RBFOX1: variants seen among roughly 807,000 people sequenced by gnomAD.
RBFOX1 encodes the protein RNA binding fox-1 homolog 1, also known as RNA binding protein fox-1 homolog 1.
In RBFOX1, 8 loss-of-function variants were observed where a neutral mutation model predicts 57.7. That is an observed-to-expected ratio of 0.14 (90% confidence interval 0.08 to 0.25). The LOEUF (loss-of-function observed/expected upper bound fraction) is 0.25, where lower values mean the gene tolerates loss of function less well. RBFOX1 is among the 10% of genes least tolerant of loss of function. The pLI, the probability that RBFOX1 is intolerant of heterozygous loss-of-function variation, is 1.00. For synonymous variants in RBFOX1, 326 were observed against 222.4 expected, an observed-to-expected ratio of 1.47 and a Z score of -4.15; for missense variants, 611 against 548.5, an observed-to-expected ratio of 1.11 and a Z score of -1.14.
At chr16:6,644,950 A>C (rs76264320) in intron 2 of RBFOX1, among the ~76,000 whole-genome samples, 1 of 152,192 alleles carries the variant, frequency 6.6e-6, no homozygotes, top group Non-Finnish European at 1.5e-5. Flanking sequence ...GTAGCAAATC[A>C]TCACAATCTA....
chr16:5,288,321 T>C (rs1454817175), intron 1 of RBFOX1, among the ~76,000 whole-genome samples: 1 of 152,222 alleles, frequency 6.6e-6, no homozygotes, highest in African/African-American at 2.4e-5. Context: ...TCAATTCCTT[T>C]GCCCTGTGAG....
intron 3 of RBFOX1, among the ~76,000 whole-genome samples, chr16:6,683,829 A>G (rs1449140383): frequency 1.3e-5 from 2 of 152,168 alleles, no homozygotes; most frequent in African/African-American, 4.8e-5. Flanking sequence ...TTGACTCTTC[A>G]TGGGTTTTGT....
chr16:7,191,420 A>G (rs1381085345), intron 4 of RBFOX1, among the ~76,000 whole-genome samples: 1 of 152,098 alleles, frequency 6.6e-6, no homozygotes, highest in Non-Finnish European at 1.5e-5. Context: ...CTCATGTTGT[A>G]CAATTGTCCT....
chr16:5,628,272 A>T (rs1028698835), intron 3 of RBFOX1, among the ~76,000 whole-genome samples: 4 of 152,200 alleles, frequency 2.6e-5, no homozygotes, highest in African/African-American at 9.7e-5. Context: ...CTCTTCTACC[A>T]TGCAAATGGT....
intron 1 of RBFOX1, among the ~76,000 whole-genome samples, chr16:6,217,882 G>A (rs1201894362): frequency 2.0e-5 from 3 of 152,170 alleles, no homozygotes; most frequent in African/African-American, 4.8e-5. Flanking sequence ...TGGTATGGTG[G>A]CGCATGATTG....
At chr16:6,633,241 C>A (rs755644513) in intron 2 of RBFOX1, among the ~76,000 whole-genome samples, 2 of 152,024 alleles carry the variant, frequency 1.3e-5, no homozygotes, top group Admixed American at 6.6e-5. Context: ...ACAGTCCTCT[C>A]CAATAGGTGC....
chr16:6,771,888 A>G (rs904822779), intron 3 of RBFOX1, among the ~76,000 whole-genome samples: 1 of 152,128 alleles, frequency 6.6e-6, no homozygotes, highest in African/African-American at 2.4e-5. Context: ...TCTCCCCATT[A>G]GACCTTTGGT....
rs1053140074 is a variant in RBFOX1, at chr16:6,239,060, T to C, written c.-126-77935T>C. ...TTTTACAAGCTCCTTAGTTAAGTGATTTTAACATGAAATCAAAGGTAAGAA... is the reference window on the plus strand; with the variant it reads ...TTTTACAAGCTCCTTAGTTAAGTGACTTTAACATGAAATCAAAGGTAAGAA... On this transcript the variant is annotated intron_variant, in intron 1 of 15. Coordinates refer to ENST00000550418, the MANE Select transcript of RBFOX1 (RefSeq NM_018723.4). 3.5e-4 allele frequency among the ~76,000 whole-genome samples: 54 copies of C among 152,160 alleles called. 2 individuals are homozygous for C. The highest frequency in any genetic ancestry group is 1.5e-5 in the Non-Finnish European group (1 of 68,044).
chr16:5,646,852 C>G (rs1019312493), intron 3 of RBFOX1, among the ~76,000 whole-genome samples: 4 of 152,056 alleles, frequency 2.6e-5, no homozygotes, highest in Admixed American at 1.3e-4. Context: ...CCAGGATGGT[C>G]TCAATCTCTT....
intron 3 of RBFOX1, chr16:5,610,332 T>G (rs1294628212): frequency 2.0e-5 from 3 of 152,210 alleles, no homozygotes; most frequent in African/African-American, 7.2e-5. Context: ...CATAGCTTCA[T>G]GTGATTGTCA....
At chr16:6,260,489 G>A (rs765732827) in intron 1 of RBFOX1, among the ~76,000 whole-genome samples, 1 of 152,094 alleles carries the variant, frequency 6.6e-6, no homozygotes, top group African/African-American at 2.4e-5. Flanking sequence ...GGAACAGAAT[G>A]GTAGAGAGAA....
At chr16:6,062,870 A>T (rs968675922) in intron 1 of RBFOX1, among the ~76,000 whole-genome samples, 1 of 152,102 alleles carries the variant, frequency 6.6e-6, no homozygotes, top group Admixed American at 6.6e-5. Flanking sequence ...TTGATGTTGT[A>T]GTCTTGAGTC....
At chr16:6,085,509 G>T (rs978158430) in intron 1 of RBFOX1, among the ~76,000 whole-genome samples, 1 of 152,224 alleles carries the variant, frequency 6.6e-6, no homozygotes. Flanking sequence ...GACTTCAGGT[G>T]ATCTGCCCGC....
chr16:6,195,791 A>C lies in RBFOX1; in HGVS notation c.-126-121204A>C, dbSNP rs147206885. Among the ~76,000 whole-genome samples, 969 of 152,078 alleles carry C rather than the reference A, an allele frequency of 6.4e-3. 9 individuals carry two copies. Among genetic ancestry groups the C allele is most frequent in the Middle Eastern group, 0.017 (5 of 294 alleles). ...CTCTGAGGTCATGGGGTGAGCAGGGATGCCAAAATATGCTTACTTTGAGTC... is the reference window on the plus strand; with the variant it reads ...CTCTGAGGTCATGGGGTGAGCAGGGCTGCCAAAATATGCTTACTTTGAGTC... On this transcript the variant is annotated intron_variant, in intron 1 of 15. Transcript: ENST00000550418.
chr16:7,331,502 A>T (rs2096694800), intron 4 of RBFOX1, among the ~76,000 whole-genome samples: 1 of 152,240 alleles, frequency 6.6e-6, no homozygotes, highest in East Asian at 1.9e-4. Context: ...TTTGATTGTT[A>T]TCTGAGCCTT....
chr16:5,741,484 G>A (rs1007406103), intron 3 of RBFOX1, among the ~76,000 whole-genome samples: 2 of 152,200 alleles, frequency 1.3e-5, no homozygotes, highest in Admixed American at 6.5e-5. Flanking sequence ...ACTTTCAGGG[G>A]AGAAAATGTT....
At chr16:7,126,427 G>A (rs892965349) in intron 4 of RBFOX1, 16 of 229,278 alleles carry the variant, frequency 7.0e-5, no homozygotes, top group Non-Finnish European at 1.0e-4. Context: ...ACACAGTAAC[G>A]TGGCTTCACA....
chr16:7,214,531 A>G (rs982204273), intron 4 of RBFOX1, among the ~76,000 whole-genome samples: 2 of 151,950 alleles, frequency 1.3e-5, no homozygotes, highest in African/African-American at 4.8e-5. Flanking sequence ...TCTCTCAGAC[A>G]GGAAACCGCT....
chr16:7,122,525 A>G (rs920615655), intron 4 of RBFOX1, among the ~76,000 whole-genome samples: 12 of 152,190 alleles, frequency 7.9e-5, no homozygotes, highest in African/African-American at 2.9e-4. Flanking sequence ...ATGGAATACC[A>G]TTAAACACCT....
Sources: allele counts gnomAD v4.1 joint callset (sites outside exome capture counted in the v4.1 genomes callset), GRCh38; gene constraint gnomAD v4.1.1; transcripts MANE v1.5; gene names NCBI Gene and HGNC (gene_info 2026-07-23, HGNC 2026-07-21).